CNTNAP4: variants seen among roughly 807,000 people sequenced by gnomAD.
The protein encoded by CNTNAP4 is contactin-associated protein-like 4.
CNTNAP4 carries 98 observed loss-of-function variants against 148.4 expected under a neutral mutation model. The ratio of observed to expected loss-of-function variants is 0.66; its 90% confidence interval spans 0.56 to 0.78. The LOEUF (loss-of-function observed/expected upper bound fraction) is 0.78. CNTNAP4 is among the 30% of genes least tolerant of loss of function. The pLI is 0.00. For synonymous variants in CNTNAP4, 730 were observed against 565.1 expected (o/e 1.29, Z -4.14); for missense variants, 1,935 against 1,565.6 (o/e 1.24, Z -3.98).
intron 4 of CNTNAP4, among the ~76,000 whole-genome samples, chr16:76,444,398 T>C (rs12446370): frequency 0.11 from 15,390 of 137,872 alleles, 1,114 homozygotes; most frequent in East Asian, 0.38. Flanking sequence ...ATTGAGAAGA[T>C]GTGAAGTTAT....
At chr16:76,475,861 C>A in intron 10 of CNTNAP4, 78 bp from the exon 11 acceptor site, 1 of 946,070 alleles carries the variant, frequency 1.1e-6, no homozygotes, top group South Asian at 1.5e-5. Flanking sequence ...CTGTCTTTCT[C>A]ATGACCAAGT....
chr16:76,334,904 C>G (rs1408697660), intron 2 of CNTNAP4, among the ~76,000 whole-genome samples: 1 of 151,950 alleles, frequency 6.6e-6, no homozygotes, highest in Non-Finnish European at 1.5e-5. Context: ...ACCTTGATAG[C>G]TCATACTGTA....
At chr16:76,437,660 A>G (rs987452356) in intron 4 of CNTNAP4, among the ~76,000 whole-genome samples, 2 of 152,182 alleles carry the variant, frequency 1.3e-5, no homozygotes, top group Non-Finnish European at 2.9e-5. Flanking sequence ...TTTGAAAACT[A>G]ATGAACGAAT....
At chr16:76,548,568 T>C (rs1296555036) in intron 21 of CNTNAP4, among the ~76,000 whole-genome samples, 1 of 152,046 alleles carries the variant, frequency 6.6e-6, no homozygotes, top group Non-Finnish European at 1.5e-5. Flanking sequence ...CCATTTTTCT[T>C]GCAGGCCTTT....
intron 21 of CNTNAP4, among the ~76,000 whole-genome samples, chr16:76,547,248 C>G (rs1013330433): frequency 5.9e-5 from 9 of 152,144 alleles, no homozygotes; most frequent in Non-Finnish European, 1.5e-5. Context: ...TAAGCTATTA[C>G]TGGATCACAA....
intron 3 of CNTNAP4, among the ~76,000 whole-genome samples, chr16:76,382,234 C>A (rs1026801573): frequency 5.3e-5 from 8 of 151,446 alleles, no homozygotes; most frequent in African/African-American, 1.9e-4. Flanking sequence ...AAATATAAAG[C>A]CATTTCTAAA....
At chr16:76,391,229 C>T (rs1280736520) in intron 3 of CNTNAP4, among the ~76,000 whole-genome samples, 6 of 152,080 alleles carry the variant, frequency 3.9e-5, no homozygotes, top group Non-Finnish European at 5.9e-5. Context: ...AAGATTTCTC[C>T]CGCTCCTTTG....
At chr16:76,512,341 T>C (rs2083061524) in intron 15 of CNTNAP4, among the ~76,000 whole-genome samples, 1 of 152,154 alleles carries the variant, frequency 6.6e-6, no homozygotes. Context: ...TAGGGGACCA[T>C]ATCACCAACC....
At chr16:76,479,126 TC>T (rs2081707562) in intron 11 of CNTNAP4, among the ~76,000 whole-genome samples, 1 of 152,112 alleles carries the variant, frequency 6.6e-6, no homozygotes, top group Non-Finnish European at 1.5e-5. Flanking sequence ...ACCTTCTCTT[TC>T]CTTGTTCTTC....
At chr16:76,333,534 T>C (rs1247793231) in intron 2 of CNTNAP4, among the ~76,000 whole-genome samples, 2 of 152,194 alleles carry the variant, frequency 1.3e-5, no homozygotes, top group Non-Finnish European at 2.9e-5. Context: ...CTTTAGCTCT[T>C]TGAGCGTATT....
chr16:76,343,808 C>G (rs957966855), intron 2 of CNTNAP4, among the ~76,000 whole-genome samples: 8 of 151,774 alleles, frequency 5.3e-5, no homozygotes, highest in African/African-American at 1.7e-4. Context: ...ATAAGGCAAA[C>G]AAATCTAAAT....
chr16:76,554,172 A>G (rs1057493304), intron 23 of CNTNAP4, among the ~76,000 whole-genome samples: 6 of 152,234 alleles, frequency 3.9e-5, no homozygotes, highest in African/African-American at 1.4e-4. Context: ...AACATGTGTA[A>G]TAATGAATAT....
At chr16:76,331,031 C>A (rs1384768799) in intron 2 of CNTNAP4, among the ~76,000 whole-genome samples, 1 of 151,848 alleles carries the variant, frequency 6.6e-6, no homozygotes, top group Admixed American at 6.6e-5. Flanking sequence ...ATACAATTAA[C>A]CATTGTAAAG....
intron 2 of CNTNAP4, among the ~76,000 whole-genome samples, chr16:76,335,807 G>A (rs1427889847): frequency 3.9e-5 from 6 of 152,294 alleles, no homozygotes; most frequent in Non-Finnish European, 5.9e-5. Context: ...GTGCCGAGAA[G>A]CACAGGAGGT....
At chr16:76,545,730 T>C (rs1171023509) in intron 21 of CNTNAP4, among the ~76,000 whole-genome samples, 1 of 152,200 alleles carries the variant, frequency 6.6e-6, no homozygotes. Flanking sequence ...ATTTCTTTAA[T>C]TACTAACATG....
chr16:76,316,391 G>A lies in CNTNAP4; in HGVS notation c.86-22G>A, dbSNP rs373956415. 3.0e-5 allele frequency: 46 copies of A among 1,545,032 alleles called. No homozygotes were observed. The African/African-American group carries it at 4.5e-4, about 15-fold the overall frequency. On this transcript the variant is annotated intron_variant, in intron 1 of 23. Transcript: ENST00000611870. ...AGCCTCAGCACTAACTAACCCTAAC[G>A]TGGCATTGTTCCTCCTGGCAGATGA...
chr16:76,337,592 T>C (rs1964125497), intron 2 of CNTNAP4, among the ~76,000 whole-genome samples: 1 of 152,168 alleles, frequency 6.6e-6, no homozygotes. Flanking sequence ...TGGGCATGCA[T>C]TGTATTGATA....
chr16:76,512,719 G>T (rs1285458768), intron 15 of CNTNAP4, among the ~76,000 whole-genome samples: 1 of 152,082 alleles, frequency 6.6e-6, no homozygotes, highest in Non-Finnish European at 1.5e-5. Flanking sequence ...ATAACAACAG[G>T]GCTTTGGGGC....
intron 3 of CNTNAP4, among the ~76,000 whole-genome samples, chr16:76,390,282 A>G (rs2016860722): frequency 6.6e-6 from 1 of 152,190 alleles, no homozygotes; most frequent in South Asian, 2.1e-4. Flanking sequence ...TACTACAGTA[A>G]CTTATCTATT....
Sources: gnomAD v4.1 joint callset for allele counts (sites outside exome capture counted in the v4.1 genomes callset) on GRCh38, gnomAD v4.1.1 for gene constraint, MANE v1.5 for transcripts, NCBI Gene and HGNC (gene_info 2026-07-23, HGNC 2026-07-21) for gene names.